Variants in SMYD2 observed in about 807,000 individuals in gnomAD.
SMYD2 encodes N-lysine methyltransferase SMYD2.
Under a neutral mutation model 59.1 loss-of-function variants are expected in SMYD2, and 53 were observed. The ratio of observed to expected loss-of-function variants is 0.90; its 90% confidence interval spans 0.72 to 1.13. The LOEUF (loss-of-function observed/expected upper bound fraction) is 1.13, where lower values mean the gene tolerates loss of function less well. SMYD2 is among the 50% of genes most tolerant of loss of function. The pLI, the probability that SMYD2 is intolerant of heterozygous loss-of-function variation, is 0.00. For missense variants in SMYD2, 494 were observed against 544.7 expected, an observed-to-expected ratio of 0.91 and a Z score of 0.93; for synonymous variants, 208 against 198.8, an observed-to-expected ratio of 1.05 and a Z score of -0.39.
chr1:214,286,650 C>T (rs1366395742), intron 1 of SMYD2, among the ~76,000 whole-genome samples: 1 of 146,454 alleles, frequency 6.8e-6, no homozygotes, highest in Non-Finnish European at 1.5e-5. Flanking sequence ...GTCCCAACTA[C>T]TTGGGAGGCT....
At chr1:214,309,766 C>G (rs1656969843) in intron 2 of SMYD2, among the ~76,000 whole-genome samples, 1 of 152,130 alleles carries the variant, frequency 6.6e-6, no homozygotes, top group Non-Finnish European at 1.5e-5. Context: ...TTTTCTAAAT[C>G]TTTAACATCA....
At chr1:214,313,819 C>G (rs1043593029) in intron 2 of SMYD2, among the ~76,000 whole-genome samples, 3 of 152,142 alleles carry the variant, frequency 2.0e-5, no homozygotes, top group Non-Finnish European at 4.4e-5. Flanking sequence ...CTCCACCCTT[C>G]CAGCAGCAAA....
At position 214,300,249 on chromosome 1, in the gene SMYD2, G is replaced by A. The variant is rs144107410; in HGVS notation, c.174-4938G>A. On this transcript the variant is annotated intron_variant, in intron 1 of 11. Coordinates refer to ENST00000366957, the MANE Select transcript of SMYD2 (RefSeq NM_020197.3). Reference sequence around the variant, plus strand: ...CTTTTCAGTTTTTAGTGAGGAGTGCGGTGTTCTCTCACCAGGTTCCTAGAG... The same window carrying A: ...CTTTTCAGTTTTTAGTGAGGAGTGCAGTGTTCTCTCACCAGGTTCCTAGAG... Among the ~76,000 whole-genome samples the A allele has an allele frequency of 5.3e-5, 8 of 152,250 alleles. No homozygotes were observed. The East Asian group carries it at 9.6e-4, about 18-fold the overall frequency.
intron 5 of SMYD2, among the ~76,000 whole-genome samples, chr1:214,323,010 A>C (rs1340559822): frequency 6.6e-6 from 1 of 152,182 alleles, no homozygotes; most frequent in East Asian, 1.9e-4. Context: ...GTTCAGTGTG[A>C]GTGCCTCACG....
intron 1 of SMYD2, among the ~76,000 whole-genome samples, chr1:214,299,745 T>C (rs1273975725): frequency 6.6e-6 from 1 of 152,162 alleles, no homozygotes; most frequent in Non-Finnish European, 1.5e-5. Context: ...TAGCTGAGAC[T>C]ACAGGCGCCC....
At chr1:214,336,515 G>A (rs1657441508) in intron 11 of SMYD2, among the ~76,000 whole-genome samples, 189 bp from the exon 12 acceptor site, 1 of 152,136 alleles carries the variant, frequency 6.6e-6, no homozygotes, top group Non-Finnish European at 1.5e-5. Flanking sequence ...CTGGGCGACA[G>A]AGCGAGACTC....
At chr1:214,308,200 C>T (rs1461270530) in intron 2 of SMYD2, among the ~76,000 whole-genome samples, 1 of 152,194 alleles carries the variant, frequency 6.6e-6, no homozygotes, top group Non-Finnish European at 1.5e-5. Flanking sequence ...ACCGCAGCTC[C>T]TGAAGTCTCT....
intron 1 of SMYD2, among the ~76,000 whole-genome samples, chr1:214,285,099 T>C (rs752594827): frequency 2.0e-4 from 31 of 152,224 alleles, no homozygotes; most frequent in Non-Finnish European, 3.8e-4. Flanking sequence ...ATTTCGGTCA[T>C]GTCTGGCTTA....
intron 1 of SMYD2, among the ~76,000 whole-genome samples, chr1:214,299,828 G>A (rs1656793253): frequency 6.6e-6 from 1 of 152,068 alleles, no homozygotes; most frequent in African/African-American, 2.4e-5. Flanking sequence ...GGATGGTCTT[G>A]ATCTCCTGAC....
rs756585130 is a variant in SMYD2 at position 214,327,744 on chromosome 1, T to C, written c.705+20T>C. On this transcript the variant is annotated intron_variant, in intron 7 of 11. Coordinates refer to ENST00000366957, the MANE Select transcript of SMYD2 (RefSeq NM_020197.3). Reference sequence around the variant, plus strand: ...GAGGAGGTGAGTTCATGGCTATGGGTGGCTGCAGCAGGGGGCTTGAGACTG... The same window carrying C: ...GAGGAGGTGAGTTCATGGCTATGGGCGGCTGCAGCAGGGGGCTTGAGACTG... 1 of 1,606,502 alleles carries C rather than the reference T, an allele frequency of 6.2e-7. No individual in the cohort carries two copies. The highest frequency in any genetic ancestry group is 1.1e-5 in the South Asian group (1 of 90,900).
Position 214,281,431 on chromosome 1 carries a change from G to GGGCGGCGGC in SMYD2, c.173+19_173+27dup, listed in dbSNP as rs539190942. On this transcript the variant is annotated splice_donor_region_variant and intron_variant, in intron 1 of 11. Coordinates refer to ENST00000366957, the MANE Select transcript of SMYD2 (RefSeq NM_020197.3). The stretch of plus-strand genomic sequence containing the variant: ...ACTGCGAGTACTGCTTCACCAGGTA[G>GGGCGGCGGC]GGCGGCGGCGGCGGCGGCGGCGGGC... 1.8e-4 allele frequency: 250 copies of GGGCGGCGGC among 1,409,018 alleles called. No homozygotes were observed. Among genetic ancestry groups the GGGCGGCGGC allele is most frequent in the African/African-American group, 3.9e-4 (26 of 66,902 alleles). 87.3% of individuals were successfully genotyped at this position (1,409,018 alleles called of 1,614,324 possible). A position where few individuals can be genotyped will look rare whatever the true frequency, so the allele number is the denominator to read the frequency against.
intron 11 of SMYD2, 92 bp downstream of exon 11, chr1:214,334,400 C>T (rs1657404380): frequency 3.3e-6 from 4 of 1,202,310 alleles, no homozygotes; most frequent in Non-Finnish European, 4.9e-6. Context: ...ATGGCTGAAG[C>T]AGTGGAGGGT....
chr1:214,325,078 T>C (rs17729519), intron 6 of SMYD2, among the ~76,000 whole-genome samples: 6,407 of 152,348 alleles, frequency 0.042, 174 homozygotes, highest in South Asian at 0.16. Context: ...CAACCAAGAA[T>C]TGGCCACAAG....
intron 5 of SMYD2, among the ~76,000 whole-genome samples, chr1:214,323,629 C>G (rs1263886763): frequency 3.3e-5 from 5 of 152,184 alleles, no homozygotes; most frequent in Non-Finnish European, 5.9e-5. Context: ...TTAGTAGAGA[C>G]AGGGTTTTAC....
intron 6 of SMYD2, among the ~76,000 whole-genome samples, chr1:214,325,208 AG>A (rs1291601661): frequency 6.6e-6 from 1 of 152,236 alleles, no homozygotes; most frequent in Non-Finnish European, 1.5e-5. Flanking sequence ...AAAATTTCAA[AG>A]AACTGTAGGA....
At chr1:214,291,005 T>A (rs1302573507) in intron 1 of SMYD2, among the ~76,000 whole-genome samples, 1 of 152,222 alleles carries the variant, frequency 6.6e-6, no homozygotes, top group Non-Finnish European at 1.5e-5. Flanking sequence ...TTCACAGTGA[T>A]AGCCTCATAT....
chr1:214,310,394 A>G (rs1361865637), intron 2 of SMYD2, among the ~76,000 whole-genome samples: 1 of 152,218 alleles, frequency 6.6e-6, no homozygotes, highest in Non-Finnish European at 1.5e-5. Context: ...GAAAATCAGA[A>G]AGTGCAGACT....
rs36187427 is a variant in SMYD2, at chr1:214,287,586, CA to C, written c.173+6181del. On this transcript the variant is annotated intron_variant, in intron 1 of 11. Transcript: ENST00000366957. Reference sequence around the variant, plus strand: ...TGGGAGACAGAGTTAGACTATGTCTCAAAAAAAAAAAAAAAAAAAAAAGATG... The same window carrying C: ...TGGGAGACAGAGTTAGACTATGTCTCAAAAAAAAAAAAAAAAAAAAAGATG... 6.9e-3 allele frequency among the ~76,000 whole-genome samples: 520 copies of C among 75,502 alleles called. 1 individual carries two copies. The highest frequency in any genetic ancestry group is 0.049 in the South Asian group (80 of 1,640). 49.5% of individuals were successfully genotyped at this position (75,502 alleles called of 152,430 possible).
At chr1:214,331,854 TTC>T in intron 9 of SMYD2, 162 bp from the exon 10 acceptor site, 1 of 657,918 alleles carries the variant, frequency 1.5e-6, no homozygotes. Context: ...CATTTGTTTT[TTC>T]TGGAGAAATG....
Sources: allele counts gnomAD v4.1 joint callset (sites outside exome capture counted in the v4.1 genomes callset), GRCh38; gene constraint gnomAD v4.1.1; transcripts MANE v1.5; gene names NCBI Gene and HGNC (gene_info 2026-07-23, HGNC 2026-07-21).